The following KIF26B variants were observed in gnomAD, a reference collection of about 807,000 sequenced individuals.
KIF26B encodes kinesin-like protein KIF26B.
In KIF26B, 63 loss-of-function variants were observed where a neutral mutation model predicts 151.2. The ratio of observed to expected loss-of-function variants is 0.42; its 90% CI spans 0.34 to 0.51. KIF26B has a LOEUF of 0.51. KIF26B is among the 20% of genes least tolerant of loss of function. KIF26B has a pLI of 0.07. For synonymous variants in KIF26B, 1,357 were observed against 1,262.1 expected, an observed-to-expected ratio of 1.08 and a Z score of -1.59; for missense variants, 2,813 against 2,913.6, an observed-to-expected ratio of 0.97 and a Z score of 0.79.
chr1:245,295,144 A>G (rs1383694145), intron 2 of KIF26B, among the ~76,000 whole-genome samples: 2 of 152,136 alleles, frequency 1.3e-5, no homozygotes, highest in Non-Finnish European at 2.9e-5. Flanking sequence ...TTTTTAAAAA[A>G]CCTGTTATTT....
intron 7 of KIF26B, among the ~76,000 whole-genome samples, chr1:245,608,064 A>C (rs2043476364): frequency 1.3e-5 from 2 of 152,102 alleles, no homozygotes; most frequent in Non-Finnish European, 2.9e-5. Context: ...GCTGTTTGGG[A>C]AGCAGATAGG....
At chr1:245,576,410 G>A (rs2043119363) in intron 5 of KIF26B, among the ~76,000 whole-genome samples, 1 of 152,206 alleles carries the variant, frequency 6.6e-6, no homozygotes, top group Non-Finnish European at 1.5e-5. Context: ...TTGTGGAGGT[G>A]TAGTGAATTT....
chr1:245,620,341 G>T (rs2043644439), intron 9 of KIF26B, among the ~76,000 whole-genome samples: 1 of 151,978 alleles, frequency 6.6e-6, no homozygotes, highest in African/African-American at 2.4e-5. Flanking sequence ...ACTTTTTCTA[G>T]ATTCTTACAG....
intron 3 of KIF26B, among the ~76,000 whole-genome samples, chr1:245,392,606 A>G (rs1306846527): frequency 6.6e-6 from 1 of 152,116 alleles, no homozygotes; most frequent in East Asian, 1.9e-4. Context: ...TGGATCATTT[A>G]TGTAACACAT....
chr1:245,538,080 A>C (rs1307870174), intron 4 of KIF26B, among the ~76,000 whole-genome samples: 3 of 152,204 alleles, frequency 2.0e-5, no homozygotes, highest in Non-Finnish European at 4.4e-5. Flanking sequence ...CCGAGCAGAA[A>C]GGGTATCAAG....
intron 3 of KIF26B, among the ~76,000 whole-genome samples, chr1:245,395,840 C>T (rs1572040698): frequency 6.6e-6 from 1 of 152,182 alleles, no homozygotes; most frequent in Admixed American, 6.5e-5. Flanking sequence ...TGGAGCCAGA[C>T]AGCCTGACAT....
intron 2 of KIF26B, among the ~76,000 whole-genome samples, chr1:245,301,515 G>A (rs1055942802): frequency 1.3e-5 from 2 of 152,258 alleles, no homozygotes; most frequent in Admixed American, 6.5e-5. Flanking sequence ...AAGTCTGGCC[G>A]GGCTGCTTAG....
intron 2 of KIF26B, among the ~76,000 whole-genome samples, chr1:245,202,724 C>T (rs1430162324): frequency 7.0e-6 from 1 of 142,022 alleles, no homozygotes; most frequent in African/African-American, 2.7e-5. Context: ...CGCGCTGCTG[C>T]ACTCCAGCCT....
rs1553332271 is a variant in KIF26B, at chr1:245,184,050, G to GTTGTTTTTT, written c.465+27369_465+27370insGTTTTTTTT. 8.6e-4 allele frequency among the ~76,000 whole-genome samples: 17 copies of GTTGTTTTTT among 19,804 alleles called. 1 individual carries two copies. The highest frequency in any genetic ancestry group is 2.4e-3 in the African/African-American group (16 of 6,612). 13.0% of individuals were successfully genotyped at this position (19,804 alleles called of 152,430 possible). On this transcript the variant is annotated intron_variant, in intron 2 of 14. Coordinates refer to ENST00000407071, the MANE Select transcript of KIF26B (RefSeq NM_018012.4). Reference sequence around the variant, plus strand: ...GCAACAGGTATGGGTGGGAGTTGTTGTTTTTTTTTTTTTTTTTTTGAGCTT... The same window carrying GTTGTTTTTT: ...GCAACAGGTATGGGTGGGAGTTGTTGTTGTTTTTTTTTTTTTTTTTTTTTTTTTGAGCTT...
In KIF26B at chr1:245,166,610, A is replaced by C. The variant is rs1668618693; in HGVS notation, c.465+9927A>C. Among the ~76,000 whole-genome samples the C allele has an allele frequency of 6.6e-6, 1 of 152,194 alleles. No individual in the cohort carries two copies. Among genetic ancestry groups the C allele is most frequent in the Non-Finnish European group, 1.5e-5 (1 of 68,038 alleles). On this transcript the variant is annotated intron_variant, in intron 2 of 14. Transcript: ENST00000407071. This position sits in a 1 kb window ranked among gnomAD's most constrained non-coding sequence, Gnocchi z 4.5. ...TTTGGCATTTCGGCTCCGGGGAATG[A>C]GGGAGAGCAGATTTCCTCCAGTGAC...
At chr1:245,458,963 A>G (rs189837764) in intron 4 of KIF26B, among the ~76,000 whole-genome samples, 31 of 152,350 alleles carry the variant, frequency 2.0e-4, no homozygotes, top group Admixed American at 6.5e-4. Context: ...TATTACTTGC[A>G]TCAATGTTTG....
intron 2 of KIF26B, among the ~76,000 whole-genome samples, chr1:245,203,127 G>A (rs1669334443): frequency 6.7e-6 from 1 of 150,198 alleles, no homozygotes; most frequent in Non-Finnish European, 1.5e-5. Context: ...TGCGCCTATA[G>A]TCCCATCTAC....
intron 3 of KIF26B, among the ~76,000 whole-genome samples, chr1:245,374,073 AAAAAAAAAAAAAAAAAAAAAAAT>A (rs1673190580): frequency 3.8e-5 from 1 of 26,462 alleles, no homozygotes; most frequent in Non-Finnish European, 6.6e-5. Flanking sequence ...AAAAAAAAAA[AAAAAAAAAAAAAAAAAAAAAAAT>A]ATATATATAT....
At chr1:245,342,291 TGAA>T (rs2102996364) in intron 2 of KIF26B, among the ~76,000 whole-genome samples, 1 of 152,336 alleles carries the variant, frequency 6.6e-6, no homozygotes, top group East Asian at 1.9e-4. Flanking sequence ...TGCACCAAGA[TGAA>T]GAAGTGAGCC....
chr1:245,511,304 T>G (rs1254145832), intron 4 of KIF26B, among the ~76,000 whole-genome samples: 1 of 152,182 alleles, frequency 6.6e-6, no homozygotes, highest in African/African-American at 2.4e-5. Context: ...TTCAATGGAC[T>G]TGCAGAATAC....
In KIF26B at chr1:245,184,050, G is replaced by GTTTTTTGTTTTTT. The variant is rs1553332272; in HGVS notation, c.465+27373_465+27374insGTTTTTTTTTTTT. Among the ~76,000 whole-genome samples, 32 of 19,802 alleles carry GTTTTTTGTTTTTT rather than the reference G, an allele frequency of 1.6e-3. 6 individuals carry two copies. Among genetic ancestry groups the GTTTTTTGTTTTTT allele is most frequent in the South Asian group, 2.8e-3 (1 of 352 alleles). The allele number at this position is 19,802 out of a possible 152,430, so 13.0% of individuals were successfully genotyped here. A position where few individuals can be genotyped will look rare whatever the true frequency, so the allele number is the denominator to read the frequency against. Reference sequence around the variant, plus strand: ...GCAACAGGTATGGGTGGGAGTTGTTGTTTTTTTTTTTTTTTTTTTGAGCTT... The same window carrying GTTTTTTGTTTTTT: ...GCAACAGGTATGGGTGGGAGTTGTTGTTTTTTGTTTTTTTTTTTTTTTTTTTTTTTTTGAGCTT... On this transcript the variant is annotated intron_variant, in intron 2 of 14. Transcript: ENST00000407071.
rs1573685640 is a variant in KIF26B, at chr1:245,170,723, A to G, written c.465+14040A>G. 6.6e-6 allele frequency among the ~76,000 whole-genome samples: 1 copy of G among 152,158 alleles called. No individual in the cohort carries two copies. Among genetic ancestry groups the G allele is most frequent in the East Asian group, 1.9e-4 (1 of 5,192 alleles). The stretch of plus-strand genomic sequence containing the variant: ...CTGTTTTGTAAGGGCAGGAATCCCA[A>G]TTATGAGAGCTCTGCCTTCATGACC... On this transcript the variant is annotated intron_variant, in intron 2 of 14. Transcript: ENST00000407071. This position sits in a 1 kb window ranked among gnomAD's most constrained non-coding sequence, Gnocchi z 4.4.
chr1:245,422,826 T>C (rs1658522016), intron 4 of KIF26B, among the ~76,000 whole-genome samples: 1 of 152,064 alleles, frequency 6.6e-6, no homozygotes. Context: ...GGGCTGGGCA[T>C]GGTGGCTCAC....
intron 10 of KIF26B, among the ~76,000 whole-genome samples, chr1:245,675,853 A>T (rs1276493217): frequency 6.6e-6 from 1 of 152,188 alleles, no homozygotes; most frequent in Non-Finnish European, 1.5e-5. Context: ...TACCCCATAT[A>T]ATCCTAGAGA....
Sources: gnomAD v4.1 joint callset for allele counts (sites outside exome capture counted in the v4.1 genomes callset) on GRCh38, gnomAD v4.1.1 for gene constraint, Gnocchi (gnomAD v3.1) non-coding constraint, MANE v1.5 for transcripts, NCBI Gene and HGNC (gene_info 2026-07-23, HGNC 2026-07-21) for gene names.